Variants in BORCS5 observed in about 807,000 individuals in gnomAD.
BORCS5 encodes the protein BLOC-1-related complex subunit 5.
BORCS5 carries 17 observed loss-of-function variants against 22.1 expected under a neutral mutation model. That is an observed-to-expected ratio of 0.77 (90% confidence interval 0.53 to 1.15). BORCS5 has a LOEUF of 1.15. Ranked by LOEUF, BORCS5 falls within the 50% of genes most tolerant of loss-of-function variation. The probability of loss-of-function intolerance (pLI) is 0.00; values close to 1 mark genes in which losing one functional copy is unlikely to be tolerated. For missense variants in BORCS5, 247 were observed against 253.2 expected, an observed-to-expected ratio of 0.98 and a Z score of 0.17; for synonymous variants, 117 against 99.8, an observed-to-expected ratio of 1.17 and a Z score of -1.03.
intron 2 of BORCS5, among the ~76,000 whole-genome samples, chr12:12,429,109 T>A (rs1942359063): frequency 1.3e-5 from 2 of 152,260 alleles, no homozygotes; most frequent in South Asian, 4.1e-4. Flanking sequence ...GCACAACTCA[T>A]TGAAAGCATT....
At chr12:12,419,716 G>A (rs1164707152) in intron 2 of BORCS5, among the ~76,000 whole-genome samples, 1 of 152,160 alleles carries the variant, frequency 6.6e-6, no homozygotes, top group African/African-American at 2.4e-5. Flanking sequence ...GTTGTTTCAT[G>A]ACTTTTTAAT....
At chr12:12,397,156 A>T (rs528555834) in intron 2 of BORCS5, among the ~76,000 whole-genome samples, 1 of 152,108 alleles carries the variant, frequency 6.6e-6, no homozygotes, top group Non-Finnish European at 1.5e-5. Context: ...TTGAAACCTT[A>T]TATCTTTGAG....
rs529117585 is a variant in BORCS5, at chr12:12,450,316, T to C, written c.360+14531T>C. Among the ~76,000 whole-genome samples the C allele has an allele frequency of 3.3e-5, 5 of 152,328 alleles. No individual in the cohort carries two copies. In the South Asian group the frequency reaches 1.0e-3, roughly 32 times the overall value. ...ACCTCCTTCCTTTTACAGATGAAGA[T>C]TGCTTTGTCTAAGCCCCCTTGGTGA... On this transcript the variant is annotated intron_variant, in intron 3 of 3. Coordinates refer to ENST00000314565, the MANE Select transcript of BORCS5 (RefSeq NM_058169.6).
At chr12:12,406,236 AT>A (rs1441994426) in intron 2 of BORCS5, among the ~76,000 whole-genome samples, 1 of 152,158 alleles carries the variant, frequency 6.6e-6, no homozygotes, top group Non-Finnish European at 1.5e-5. Flanking sequence ...CTTCGTTTAT[AT>A]TTTCTTTTAA....
chr12:12,394,178 G>A (rs1216906526), intron 2 of BORCS5, among the ~76,000 whole-genome samples: 1 of 151,700 alleles, frequency 6.6e-6, no homozygotes, highest in Non-Finnish European at 1.5e-5. Flanking sequence ...ATACAAAAAT[G>A]AGCCTGGTAT....
At chr12:12,387,881 C>G (rs752230582) in intron 2 of BORCS5, among the ~76,000 whole-genome samples, 9 of 151,314 alleles carry the variant, frequency 5.9e-5, no homozygotes, top group African/African-American at 2.2e-4. Context: ...TGAATCCCCA[C>G]GATTAACACA....
chr12:12,371,407 C>T (rs1183603718), intron 2 of BORCS5, among the ~76,000 whole-genome samples: 1 of 152,206 alleles, frequency 6.6e-6, no homozygotes, highest in Non-Finnish European at 1.5e-5. Context: ...ATCCTCCTAC[C>T]TCAGCCTCCT....
chr12:12,468,459 T>C lies in BORCS5; in HGVS notation c.*2683T>C, dbSNP rs1466806502. 1 of 152,278 alleles carries C rather than the reference T, an allele frequency of 6.6e-6. No homozygotes were observed. Among genetic ancestry groups the C allele is most frequent in the East Asian group, 1.9e-4 (1 of 5,206 alleles). The allele number at this position is 152,278 out of a possible 1,614,324, so 9.4% of individuals were successfully genotyped here. A position where few individuals can be genotyped will look rare whatever the true frequency, so the allele number is the denominator to read the frequency against. The stretch of plus-strand genomic sequence containing the variant: ...TGGCTGGACGTTTCTAGCCTTAATC[T>C]TTGGCAAGCCATTTCATTTCCCTGA... On this transcript the variant is annotated 3_prime_UTR_variant, in exon 4 of 4. Coordinates refer to ENST00000314565, the MANE Select transcript of BORCS5 (RefSeq NM_058169.6).
At chr12:12,368,402 G>A (rs1352932825) in intron 2 of BORCS5, among the ~76,000 whole-genome samples, 1 of 151,756 alleles carries the variant, frequency 6.6e-6, no homozygotes, top group Admixed American at 6.6e-5. Flanking sequence ...TAGCCATTAA[G>A]ATGATTTTAA....
intron 3 of BORCS5, among the ~76,000 whole-genome samples, chr12:12,444,510 C>T (rs1045287274): frequency 3.9e-5 from 6 of 152,280 alleles, no homozygotes; most frequent in Non-Finnish European, 5.9e-5. Context: ...CCTATGACTT[C>T]GGCTAGAACT....
intron 2 of BORCS5, among the ~76,000 whole-genome samples, chr12:12,408,631 C>T (rs769791559): frequency 6.6e-6 from 1 of 152,300 alleles, no homozygotes; most frequent in South Asian, 2.1e-4. Context: ...CTGTGTACTT[C>T]ATATAAATGG....
At chr12:12,364,036 T>C (rs1461664992) in intron 2 of BORCS5, among the ~76,000 whole-genome samples, 1 of 152,150 alleles carries the variant, frequency 6.6e-6, no homozygotes, top group Non-Finnish European at 1.5e-5. Context: ...TTATATACTA[T>C]ATTATTACAA....
At chr12:12,360,869 C>T (rs979358004) in intron 1 of BORCS5, among the ~76,000 whole-genome samples, 3 of 152,030 alleles carry the variant, frequency 2.0e-5, no homozygotes, top group East Asian at 1.9e-4. Context: ...TACAGGCACC[C>T]GCCACCATGC....
intron 2 of BORCS5, among the ~76,000 whole-genome samples, chr12:12,425,343 G>A (rs75942290): frequency 0.071 from 10,795 of 152,164 alleles, 563 homozygotes; most frequent in East Asian, 0.23. Context: ...TATTTAGTTG[G>A]GAAGATAAAT....
rs1367131901 is a variant in BORCS5, at chr12:12,467,817, T to C, written c.*2041T>C. The stretch of plus-strand genomic sequence containing the variant: ...GAAGTAGAGCAACAGCCATGTGTAT[T>C]CACTGGAAGTGGATGTAGGTCAGGC... On this transcript the variant is annotated 3_prime_UTR_variant, in exon 4 of 4. Transcript: ENST00000314565. The C allele has an allele frequency of 2.6e-5, 4 of 152,226 alleles. No homozygotes were observed. Among genetic ancestry groups the C allele is most frequent in the African/African-American group, 7.2e-5 (3 of 41,436 alleles). The allele number at this position is 152,226 out of a possible 1,614,324, so 9.4% of individuals were successfully genotyped here.
intron 2 of BORCS5, among the ~76,000 whole-genome samples, chr12:12,385,663 C>G (rs952075048): frequency 6.6e-6 from 1 of 151,182 alleles, no homozygotes; most frequent in African/African-American, 2.4e-5. Context: ...GAGCACACCA[C>G]CATGCCTGGC....
chr12:12,362,145 C>CT (rs1282883997), intron 2 of BORCS5, among the ~76,000 whole-genome samples: 1 of 152,148 alleles, frequency 6.6e-6, no homozygotes, highest in African/African-American at 2.4e-5. Context: ...TAAAATGCCC[C>CT]TCCTCATACA....
chr12:12,406,207 ACT>A (rs1941591197), intron 2 of BORCS5, among the ~76,000 whole-genome samples: 1 of 152,180 alleles, frequency 6.6e-6, no homozygotes, highest in Admixed American at 6.5e-5. Context: ...TTGTGTCTTA[ACT>A]CTCTGTGAAA....
chr12:12,436,035 G>T, intron 3 of BORCS5: 1 of 422,538 alleles, frequency 2.4e-6, no homozygotes, highest in East Asian at 4.4e-5. Context: ...GTGAAAAATG[G>T]GGCTAATAGT....
Sources: allele counts gnomAD v4.1 joint callset (sites outside exome capture counted in the v4.1 genomes callset), GRCh38; gene constraint gnomAD v4.1.1; transcripts MANE v1.5; gene names NCBI Gene and HGNC (gene_info 2026-07-23, HGNC 2026-07-21).